A2ML1: variants seen among roughly 807,000 people sequenced by gnomAD.
A2ML1 encodes the protein alpha-2-macroglobulin-like protein 1.
A2ML1 carries 161 observed loss-of-function variants against 181.9 expected under a neutral mutation model. The ratio of observed to expected loss-of-function variants is 0.89; its 90% CI spans 0.78 to 1.01. A2ML1 has a LOEUF of 1.01. Ranked by LOEUF, A2ML1 falls within the 50% of genes least tolerant of loss-of-function variation. The pLI, the probability that A2ML1 is intolerant of heterozygous loss-of-function variation, is 0.00. For missense variants in A2ML1, 1,670 were observed against 1,768.1 expected (o/e 0.94, Z 1.00); for synonymous variants, 663 against 666.8 (o/e 0.99, Z 0.09).
rs750013307 is a variant in A2ML1 at position 8,857,277 on chromosome 12, C to T, written c.2962C>T (p.Leu988=). The T allele has an allele frequency of 1.9e-6, 3 of 1,613,882 alleles. No homozygotes were observed. The highest frequency in any genetic ancestry group is 2.2e-5 in the South Asian group (2 of 91,066). The change falls in exon 24 of 36, where the codon CTG becomes TTG. Residue 988 remains leucine (L), a synonymous_variant. Coordinates refer to ENST00000299698, the MANE Select transcript of A2ML1 (RefSeq NM_144670.6). ...TCCCATCATCTATGTCTTGCAGTAC[C>T]TGGAGAAGGCAGGGCTGCTGACGGA... is the stretch of plus-strand genomic sequence containing the variant. ...FAPIIYVLQY[L]EKAGLLTEEI...
At chr12:8,838,026 G>A (rs1054944279) in intron 8 of A2ML1, among the ~76,000 whole-genome samples, 1 of 152,132 alleles carries the variant, frequency 6.6e-6, no homozygotes, top group African/African-American at 2.4e-5. Flanking sequence ...ACAAAGCAGG[G>A]ATCTTTATCC....
rs35294269 is a variant in A2ML1 at position 8,886,010 on chromosome 12, TCACACACACACA to T, written c.*95-473_*95-462del. On this transcript the variant is annotated intron_variant and NMD_transcript_variant, in intron 7 of 7. Coordinates refer to the A2ML1 transcript ENST00000537475. ...ACTTCGCCTATCCTTCAACAATATC[TCACACACACACA>T]CACACACACACACACACACACACTA... 2.1e-3 allele frequency among the ~76,000 whole-genome samples: 307 copies of T among 145,002 alleles called. 4 individuals carry two copies. The highest frequency in any genetic ancestry group is 7.3e-3 in the African/African-American group (288 of 39,228).
At chr12:8,850,355 A>C in intron 18 of A2ML1, 81 bp downstream of exon 18, 7 of 1,058,028 alleles carry the variant, frequency 6.6e-6, no homozygotes, top group South Asian at 5.0e-5. Context: ...GAGGCTTAGG[A>C]GGGAGGATCA....
chr12:8,869,783 G>A (rs1033073494), intron 33 of A2ML1, among the ~76,000 whole-genome samples: 5 of 152,104 alleles, frequency 3.3e-5, no homozygotes, highest in African/African-American at 9.7e-5. Context: ...CTGAGTAACT[G>A]GACAAGCTGT....
rs908477560 is a variant in A2ML1 at position 8,847,815 on chromosome 12, G to A, written c.1833+117G>A. ...GGGAAATAATGCACTGCCATAAGGC[G>A]GTAAAAAGGCTGGTGTGAAAATGAA... On this transcript the variant is annotated intron_variant, in intron 15 of 35. Transcript: ENST00000299698. 1.6e-5 allele frequency: 21 copies of A among 1,326,452 alleles called. No individual in the cohort carries two copies. In the African/African-American group the frequency reaches 1.9e-4, roughly 12 times the overall value. The allele number at this position is 1,326,452 out of a possible 1,614,324, so 82.2% of individuals were successfully genotyped here.
intron 28 of A2ML1, 48 bp downstream of exon 28, chr12:8,861,345 T>A: frequency 1.3e-6 from 2 of 1,597,694 alleles, no homozygotes; most frequent in Non-Finnish European, 1.7e-6. Flanking sequence ...ACATAAGCTG[T>A]GAGTTATCTA....
chr12:8,838,194 T>G, intron 8 of A2ML1, 142 bp from the exon 9 acceptor site: 1 of 555,096 alleles, frequency 1.8e-6, no homozygotes, highest in Non-Finnish European at 3.2e-6. Context: ...AGTGTATACT[T>G]CATGTTGTAG....
Position 8,850,206 on chromosome 12 carries a change from T to C in A2ML1, c.2166T>C (p.His722=). 6.2e-7 allele frequency: 1 copy of C among 1,613,484 alleles called. No individual in the cohort carries two copies. The highest frequency in any genetic ancestry group is 8.5e-7 in the Non-Finnish European group (1 of 1,179,834). Residue 722 remains histidine, a synonymous_variant, in exon 18 of 36, where the codon CAT becomes CAC. Transcript: ENST00000299698. ...CTTTTGAGTCATCAACTCCTTTACA[T>C]CAAGCAGAGGATTCTCAGGTCCGCC... ...PEAFESSTPL[H]QAEDSQVRQY...
intron 29 of A2ML1, 60 bp downstream of exon 29, chr12:8,864,068 A>C: frequency 6.7e-7 from 1 of 1,503,630 alleles, no homozygotes; most frequent in Non-Finnish European, 9.2e-7. Flanking sequence ...GTGTGGAGAT[A>C]GAGGAAAACA....
intron 34 of A2ML1, 126 bp downstream of exon 34, chr12:8,874,653 A>G (rs889275936): frequency 5.5e-6 from 4 of 730,656 alleles, no homozygotes; most frequent in African/African-American, 3.6e-5. Flanking sequence ...GTAGCACATA[A>G]TTAAATTATC....
Position 8,863,998 on chromosome 12 carries a change from C to T in A2ML1, c.3707C>T (p.Ser1236Phe), listed in dbSNP as rs199877166. 14 of 1,611,876 alleles carry T rather than the reference C, an allele frequency of 8.7e-6. No homozygotes were observed. The highest frequency in any genetic ancestry group is 1.1e-5 in the Non-Finnish European group (13 of 1,179,758). ...AKQHNAYGGF[S>F]STQDTVVALQ... is the part of the protein sequence containing the mutation. Reference sequence around the variant, plus strand: ...CAACACAATGCATATGGGGGCTTCTCTTCTACTCAGGTAAACAGCCTGTTC... The same window carrying T: ...CAACACAATGCATATGGGGGCTTCTTTTCTACTCAGGTAAACAGCCTGTTC... Residue 1236 changes from serine to phenylalanine, a missense_variant, in exon 29 of 36, where the codon TCT (serine) becomes TTT (phenylalanine). Transcript: ENST00000299698.
At chr12:8,858,281 A>G (rs890087503) in intron 26 of A2ML1, 179 bp downstream of exon 26, 2 of 692,894 alleles carry the variant, frequency 2.9e-6, no homozygotes, top group South Asian at 2.5e-5. Context: ...TCATGTCTGT[A>G]GAATGAGAAT....
intron 1 of A2ML1, 88 bp from the exon 2 acceptor site, chr12:8,823,094 C>T (rs895124139): frequency 7.5e-7 from 1 of 1,330,668 alleles, no homozygotes; most frequent in African/African-American, 1.5e-5. Flanking sequence ...GTCTAATTCA[C>T]TGCTACTTGC....
chr12:8,861,240 G>A lies in A2ML1; in HGVS notation c.3445G>A (p.Glu1149Lys), dbSNP rs746537760. The change falls in exon 28 of 36, where the codon GAA becomes AAA. Residue 1149 changes from glutamate to lysine, a missense_variant. Glu to Lys is a moderately conservative substitution (Grantham distance 56). Transcript: ENST00000299698. ...LLAYIFSLAG[E>K]MDIRNILLKQ... The stretch of plus-strand genomic sequence containing the variant: ...GGCTTACATTTTCTCCCTGGCTGGG[G>A]AAATGGACATCAGAAACATTCTCCT... 6.2e-7 allele frequency: 1 copy of A among 1,614,094 alleles called. No individual in the cohort carries two copies. The highest frequency in any genetic ancestry group is 8.5e-7 in the Non-Finnish European group (1 of 1,180,028).
rs73040625 is a variant in A2ML1, at chr12:8,863,860, C to T, written c.3569C>T (p.Ala1190Val). The change falls in exon 29 of 36, where the codon GCG (alanine) becomes GTG (valine). Residue 1190 changes from alanine to valine, a missense_variant. Ala to Val is a moderately conservative substitution (Grantham distance 64). Coordinates refer to ENST00000299698, the MANE Select transcript of A2ML1 (RefSeq NM_144670.6). ...AACGCCAGCCCTTGGTCTGAGCCTG[C>T]GGCTGTAGATGTGGAACTCACAGCA... The part of the protein sequence containing the change: ...SSNASPWSEP[A>V]AVDVELTAYA... 0.07 allele frequency: 113,712 copies of T among 1,614,156 alleles called. 4,742 individuals are homozygous for T. Among genetic ancestry groups the T allele is most frequent in the Non-Finnish European group, 0.085 (100,754 of 1,179,992 alleles).
At position 8,868,367 on chromosome 12, in the gene A2ML1, GCT is replaced by G. The variant is rs767089812; in HGVS notation, c.4061+11_4061+12del. 7.7e-5 allele frequency: 124 copies of G among 1,609,356 alleles called. No individual in the cohort carries two copies. The highest frequency in any genetic ancestry group is 1.9e-4 in the Admixed American group (11 of 58,710). On this transcript the variant is annotated intron_variant, in intron 31 of 35. Transcript: ENST00000299698. The stretch of plus-strand genomic sequence containing the variant: ...TCACTATTCACACCAGGTGATTAAA[GCT>G]GGGGTGCTGGTGGCCGGCAGAGCAC...
chr12:8,845,191 A>T, intron 12 of A2ML1: 1 of 1,534,008 alleles, frequency 6.5e-7, no homozygotes, highest in Non-Finnish European at 8.7e-7. Flanking sequence ...AACAATTTCT[A>T]TGCTGTCAGA....
Position 8,822,682 on chromosome 12 carries a change from G to T in A2ML1, c.31G>T (p.Ala11Ser). The T allele has an allele frequency of 6.2e-7, 1 of 1,614,154 alleles. No homozygotes were observed. The highest frequency in any genetic ancestry group is 8.5e-7 in the Non-Finnish European group (1 of 1,179,986). Residue 11 changes from alanine (A) to serine (S), a missense_variant, in exon 1 of 36, where the codon GCC (alanine) becomes TCC (serine). Coordinates refer to ENST00000299698, the MANE Select transcript of A2ML1 (RefSeq NM_144670.6). MWAQLLLGML[A>S]LSPAIAEELP... Reference sequence around the variant, plus strand: ...GGCTCAGCTCCTTCTAGGAATGTTGGCCCTATCACCAGCCATTGCAGAAGA... The same window carrying T: ...GGCTCAGCTCCTTCTAGGAATGTTGTCCCTATCACCAGCCATTGCAGAAGA...
Position 8,854,794 on chromosome 12 carries a change from G to A in A2ML1, c.2727G>A (p.Leu909=), listed in dbSNP as rs1486581406. ...KPVLVKPEGV[L]VEKTHSSLLC... ...CTTCATCGCAGCCTGAGGGAGTCCT[G>A]GTGGAGAAGACACACAGCTCATTGC... The change falls in exon 22 of 36, where the codon CTG becomes CTA. Residue 909 remains leucine (L), a synonymous_variant. Transcript: ENST00000299698. The A allele has an allele frequency of 1.9e-6, 3 of 1,614,124 alleles. No homozygotes were observed. Among genetic ancestry groups the A allele is most frequent in the Non-Finnish European group, 1.7e-6 (2 of 1,180,024 alleles).
Sources: allele counts gnomAD v4.1 joint callset (sites outside exome capture counted in the v4.1 genomes callset), GRCh38; gene constraint gnomAD v4.1.1; transcripts MANE v1.5; gene names NCBI Gene and HGNC (gene_info 2026-07-23, HGNC 2026-07-21).